Variants in DMD observed in about 807,000 individuals in gnomAD.
DMD encodes mutant dystrophin.
A neutral mutation model predicts 330.1 loss-of-function variants in DMD; 63 were observed. That is an observed-to-expected ratio of 0.19 (90% CI 0.16 to 0.24). The LOEUF (loss-of-function observed/expected upper bound fraction) is 0.24, where lower values mean the gene tolerates loss of function less well. Ranked by LOEUF, DMD falls within the 10% of genes least tolerant of loss-of-function variation. DMD has a pLI of 1.00. For synonymous variants in DMD, 1,223 were observed against 959.8 expected (o/e 1.27, Z -5.07); for missense variants, 3,344 against 2,684.1 (o/e 1.25, Z -5.43).
At chrX:32,693,747 T>A (rs2063452060) in intron 9 of DMD, among the ~76,000 whole-genome samples, 2 of 111,812 alleles carry the variant, frequency 1.8e-5, no homozygotes, top group African/African-American at 6.5e-5. Flanking sequence ...GCTCGCGGTG[T>A]AGTTTGTTTT....
At chrX:32,811,561 A>G (rs1323125126) in intron 6 of DMD, among the ~76,000 whole-genome samples, 1 of 112,029 alleles carries the variant, frequency 8.9e-6, no homozygotes, top group African/African-American at 3.2e-5. Flanking sequence ...CACAAAATAA[A>G]GGCTCAACAA....
chrX:32,240,358 T>G (rs143450609), intron 43 of DMD, among the ~76,000 whole-genome samples: 1 of 111,320 alleles, frequency 9.0e-6, no homozygotes. Context: ...AGAATGAGAA[T>G]AGTACCCTTA....
rs1357114231 is a variant in DMD at position 32,345,731 on chromosome X, AAT to A, written c.5586+210_5586+211del. Among the ~76,000 whole-genome samples the A allele has an allele frequency of 4.1e-4, 46 of 110,869 alleles. No individual in the cohort carries two copies. The Admixed American group carries it at 4.4e-3, about 11-fold the overall frequency. Reference sequence around the variant, plus strand: ...CCATCTTTCAATTACTACTTAGAAAAATATGTCTTTAAAAAGCCATAACTTTT... The same window carrying A: ...CCATCTTTCAATTACTACTTAGAAAAATGTCTTTAAAAAGCCATAACTTTT... On this transcript the variant is annotated intron_variant, in intron 39 of 78. Transcript: ENST00000357033.
chrX:31,462,171 C>T (rs942256880), intron 59 of DMD, among the ~76,000 whole-genome samples: 1 of 112,059 alleles, frequency 8.9e-6, no homozygotes, highest in Admixed American at 9.5e-5. Context: ...GTGACACAGA[C>T]AATGACTGGT....
chrX:32,791,045 C>T (rs1444088767), intron 7 of DMD, among the ~76,000 whole-genome samples: 1 of 111,071 alleles, frequency 9.0e-6, no homozygotes, highest in Admixed American at 9.6e-5. Context: ...AGTTTACCAC[C>T]ATTGGCATCT....
At chrX:32,798,201 G>T (rs1268126544) in intron 7 of DMD, among the ~76,000 whole-genome samples, 2 of 112,119 alleles carry the variant, frequency 1.8e-5, no homozygotes, top group Non-Finnish European at 3.8e-5. Context: ...AGTCTCTGTT[G>T]TCTAAGTAGG....
chrX:32,127,881 A>G (rs1031697278), intron 44 of DMD, among the ~76,000 whole-genome samples: 29 of 112,275 alleles, frequency 2.6e-4, no homozygotes, highest in African/African-American at 7.4e-4. Flanking sequence ...CTTCAATTAT[A>G]TGCTATCATA....
chrX:32,004,988 A>C (rs2095651587), intron 44 of DMD, among the ~76,000 whole-genome samples: 1 of 111,350 alleles, frequency 9.0e-6, no homozygotes, highest in East Asian at 2.8e-4. Flanking sequence ...TGAAGACTGC[A>C]CCCCACTGCT....
intron 2 of DMD, among the ~76,000 whole-genome samples, chrX:32,984,276 T>C (rs2092786386): frequency 8.9e-6 from 1 of 112,417 alleles, no homozygotes; most frequent in African/African-American, 3.2e-5. Flanking sequence ...TTATTTGAGA[T>C]GGAGTTTCCT....
At chrX:32,796,537 C>A in intron 7 of DMD, among the ~76,000 whole-genome samples, 1 of 111,215 alleles carries the variant, frequency 9.0e-6, no homozygotes, top group Non-Finnish European at 1.9e-5. Flanking sequence ...TAATGTTCAA[C>A]AGCAGAAAGG....
At chrX:32,642,151 C>A (rs2059508154) in intron 11 of DMD, among the ~76,000 whole-genome samples, 1 of 111,847 alleles carries the variant, frequency 8.9e-6, no homozygotes, top group Non-Finnish European at 1.9e-5. Context: ...CGAACACATA[C>A]ATAGTCAAAG....
intron 4 of DMD, among the ~76,000 whole-genome samples, chrX:32,839,567 A>G (rs1481811364): frequency 6.3e-5 from 7 of 111,939 alleles, no homozygotes; most frequent in Admixed American, 5.7e-4. Context: ...TATATCCTGC[A>G]CAGGCTTATT....
intron 60 of DMD, among the ~76,000 whole-genome samples, chrX:31,441,855 T>C (rs2064979998): frequency 8.9e-6 from 1 of 112,337 alleles, no homozygotes; most frequent in South Asian, 3.7e-4. Flanking sequence ...ACATTTATAA[T>C]GTAGCAGAAT....
chrX:32,864,352 T>C (rs1323328254), intron 2 of DMD, among the ~76,000 whole-genome samples: 1 of 112,481 alleles, frequency 8.9e-6, no homozygotes, highest in Non-Finnish European at 1.9e-5. Context: ...TACAGATCTC[T>C]ACACCATTCT....
intron 44 of DMD, among the ~76,000 whole-genome samples, chrX:32,080,152 C>G (rs761894734): frequency 8.9e-6 from 1 of 112,094 alleles, no homozygotes; most frequent in African/African-American, 3.2e-5. Flanking sequence ...AAAAATGATT[C>G]AAATAAAGCA....
intron 55 of DMD, among the ~76,000 whole-genome samples, chrX:31,516,657 A>C (rs770477548): frequency 8.9e-6 from 1 of 111,740 alleles, no homozygotes; most frequent in African/African-American, 3.2e-5. Flanking sequence ...AGGAGTCCAC[A>C]GGCTTTGCTT....
At chrX:31,147,810 A>G (rs2036918175) in intron 74 of DMD, among the ~76,000 whole-genome samples, 1 of 111,152 alleles carries the variant, frequency 9.0e-6, no homozygotes, top group South Asian at 3.8e-4. Context: ...GTATGTTCAG[A>G]TAAGTAAGCA....
At chrX:32,664,849 G>C (rs143295253) in intron 9 of DMD, among the ~76,000 whole-genome samples, 1 of 111,747 alleles carries the variant, frequency 8.9e-6, no homozygotes, top group Non-Finnish European at 1.9e-5. Context: ...GGCTAGATAA[G>C]ATCATCGAGA....
intron 48 of DMD, among the ~76,000 whole-genome samples, chrX:31,854,938 A>C (rs1291107980): frequency 1.8e-5 from 2 of 111,579 alleles, no homozygotes; most frequent in African/African-American, 6.5e-5. Context: ...GACAACCACA[A>C]ATATCTCCAG....
Sources: allele counts gnomAD v4.1 joint callset (sites outside exome capture counted in the v4.1 genomes callset), GRCh38; gene constraint gnomAD v4.1.1; transcripts MANE v1.5; gene names NCBI Gene and HGNC (gene_info 2026-07-23, HGNC 2026-07-21).